XKR4: variants seen among roughly 807,000 people sequenced by gnomAD.
The protein encoded by XKR4 is XK-related protein 4.
A neutral mutation model predicts 53.9 loss-of-function variants in XKR4; 12 were observed. That is an observed-to-expected ratio of 0.22 (90% CI 0.14 to 0.36). XKR4 has a LOEUF of 0.36. Ranked by LOEUF, XKR4 falls within the 10% of genes least tolerant of loss-of-function variation. The pLI is 1.00. For missense variants in XKR4, 799 were observed against 859.5 expected (o/e 0.93, Z 0.88); for synonymous variants, 354 against 362.4 (o/e 0.98, Z 0.26).
In XKR4 at chr8:55,530,688, CTTTGA is replaced by C. The variant is rs1393356023; in HGVS notation, c.*6465_*6469del. On this transcript the variant is annotated 3_prime_UTR_variant, in exon 3 of 3. Transcript: ENST00000327381. The stretch of plus-strand genomic sequence containing the variant: ...TAAAATACAAGTAACTATCTTCCTA[CTTTGA>C]TTTAAGAGATCTTTATGAATTTATA... 1 of 152,134 alleles carries C rather than the reference CTTTGA, an allele frequency of 6.6e-6. No individual in the cohort carries two copies. The highest frequency in any genetic ancestry group is 1.5e-5 in the Non-Finnish European group (1 of 68,026). 9.4% of individuals were successfully genotyped at this position (152,134 alleles called of 1,614,324 possible). A position where few individuals can be genotyped will look rare whatever the true frequency, so the allele number is the denominator to read the frequency against.
chr8:55,514,069 T>C (rs528652918), intron 2 of XKR4, among the ~76,000 whole-genome samples: 3 of 152,256 alleles, frequency 2.0e-5, no homozygotes, highest in South Asian at 2.1e-4. Flanking sequence ...CCAAAATATA[T>C]ATCTGGGCCT....
At chr8:55,265,699 G>C (rs1408670576) in intron 1 of XKR4, among the ~76,000 whole-genome samples, 1 of 151,992 alleles carries the variant, frequency 6.6e-6, no homozygotes, top group Admixed American at 6.6e-5. Flanking sequence ...AAAATTCCTG[G>C]CTGGGCACGA....
intron 1 of XKR4, among the ~76,000 whole-genome samples, chr8:55,160,616 C>T (rs1563471535): frequency 6.6e-6 from 1 of 152,162 alleles, no homozygotes; most frequent in South Asian, 2.1e-4. Flanking sequence ...GATTCACATG[C>T]CTCACTCTGT....
chr8:55,256,607 C>T (rs1009288781), intron 1 of XKR4, among the ~76,000 whole-genome samples: 30 of 152,144 alleles, frequency 2.0e-4, no homozygotes, highest in Non-Finnish European at 2.1e-4. Context: ...GGTATTTTCT[C>T]CATTGAGAGA....
At chr8:55,450,583 C>T (rs1805422856) in intron 2 of XKR4, 12 of 725,492 alleles carry the variant, frequency 1.7e-5, no homozygotes, top group South Asian at 1.6e-4. Context: ...TGAGATAGAA[C>T]TGGCTGAACT....
At position 55,161,519 on chromosome 8, in the gene XKR4, G is replaced by T. The variant is rs1279833440; in HGVS notation, c.806+58225G>T. The T allele has an allele frequency of 8.8e-6, 4 of 455,940 alleles. No homozygotes were observed. The East Asian group carries it at 2.8e-4, about 32-fold the overall frequency. The allele number at this position is 455,940 out of a possible 1,614,324, so 28.2% of individuals were successfully genotyped here. A position where few individuals can be genotyped will look rare whatever the true frequency, so the allele number is the denominator to read the frequency against. ...CCACCATCTGAAAAAACAGAAAAGG[G>T]CAGGATGAGCAGCGCTCAAAACCTC... On this transcript the variant is annotated intron_variant, in intron 1 of 2. Transcript: ENST00000327381.
intron 2 of XKR4, among the ~76,000 whole-genome samples, chr8:55,397,052 G>A (rs1164847478): frequency 2.0e-5 from 3 of 152,320 alleles, no homozygotes; most frequent in South Asian, 4.1e-4. Context: ...TCAAAGATGA[G>A]TATTTCTCCA....
At position 55,507,355 on chromosome 8, in the gene XKR4, T is replaced by A. The variant is rs562052474; in HGVS notation, c.1007-15926T>A. 1.4e-4 allele frequency among the ~76,000 whole-genome samples: 17 copies of A among 122,482 alleles called. No homozygotes were observed. In the South Asian group the frequency reaches 3.8e-3, roughly 27 times the overall value. The allele number at this position is 122,482 out of a possible 152,430, so 80.4% of individuals were successfully genotyped here. A position where few individuals can be genotyped will look rare whatever the true frequency, so the allele number is the denominator to read the frequency against. ...CTTTTTTTTTATTATTACTGTTGGA[T>A]TTTTTTTTATTATACTTTAAGTTTT... On this transcript the variant is annotated intron_variant, in intron 2 of 2. Transcript: ENST00000327381.
At chr8:55,210,891 A>G (rs903807785) in intron 1 of XKR4, among the ~76,000 whole-genome samples, 3 of 152,200 alleles carry the variant, frequency 2.0e-5, no homozygotes, top group African/African-American at 7.2e-5. Flanking sequence ...CTCCTAGTGC[A>G]CACATAGGTT....
In XKR4 at chr8:55,413,583, C is replaced by T. The variant is rs79375089; in HGVS notation, c.1006+55706C>T. ...TTCTTTCTATTATTACTTCCTTTTT[C>T]GTGGCAGCAAAAGAGCATCCTTTAA... On this transcript the variant is annotated intron_variant, in intron 2 of 2. Coordinates refer to ENST00000327381, the MANE Select transcript of XKR4 (RefSeq NM_052898.2). 3.4e-3 allele frequency among the ~76,000 whole-genome samples: 511 copies of T among 152,274 alleles called. 1 individual carries two copies. Among genetic ancestry groups the T allele is most frequent in the African/African-American group, 0.012 (481 of 41,566 alleles).
chr8:55,483,419 TGAAACATTAAATTTGGCTA>T (rs1377402357), intron 2 of XKR4, among the ~76,000 whole-genome samples: 1 of 152,154 alleles, frequency 6.6e-6, no homozygotes, highest in Non-Finnish European at 1.5e-5. Context: ...GAGAGTGGTA[TGAAACATTAAATTTGGCTA>T]GAAATAAGGT....
intron 1 of XKR4, among the ~76,000 whole-genome samples, chr8:55,108,816 C>G (rs1816190349): frequency 6.6e-6 from 1 of 152,042 alleles, no homozygotes; most frequent in Non-Finnish European, 1.5e-5. Flanking sequence ...TTGGAGGTAG[C>G]ACTTCTATTT....
Position 55,296,094 on chromosome 8 carries a change from G to A in XKR4, c.807-61584G>A, listed in dbSNP as rs141463614. ...GGCTGGGCTGTCCTCAGGGGTCCAGGTTCCTTACATTTTGTTGCTCTAACA... is the reference window on the plus strand; with the variant it reads ...GGCTGGGCTGTCCTCAGGGGTCCAGATTCCTTACATTTTGTTGCTCTAACA... On this transcript the variant is annotated intron_variant, in intron 1 of 2. Coordinates refer to ENST00000327381, the MANE Select transcript of XKR4 (RefSeq NM_052898.2). Among the ~76,000 whole-genome samples, 88 of 152,230 alleles carry A rather than the reference G, an allele frequency of 5.8e-4. 1 individual carries two copies. The East Asian group carries it at 0.016, about 28-fold the overall frequency.
intron 1 of XKR4, among the ~76,000 whole-genome samples, chr8:55,159,899 G>T (rs1816961633): frequency 6.6e-6 from 1 of 152,192 alleles, no homozygotes; most frequent in African/African-American, 2.4e-5. Context: ...GATGTGGTAG[G>T]AAAGTTGACA....
intron 1 of XKR4, among the ~76,000 whole-genome samples, chr8:55,264,966 A>G (rs536603767): frequency 2.0e-5 from 3 of 152,350 alleles, no homozygotes; most frequent in African/African-American, 7.2e-5. Context: ...TAGATGCCAG[A>G]TAGTTCTGTC....
At chr8:55,411,403 A>T (rs955289591) in intron 2 of XKR4, among the ~76,000 whole-genome samples, 6 of 152,348 alleles carry the variant, frequency 3.9e-5, no homozygotes, top group South Asian at 2.1e-4. Flanking sequence ...TTTGATTTTT[A>T]AAAAATTATC....
chr8:55,485,642 G>A lies in XKR4; in HGVS notation c.1007-37639G>A, dbSNP rs550376265. 2.1e-3 allele frequency among the ~76,000 whole-genome samples: 314 copies of A among 152,230 alleles called. 1 individual carries two copies. The highest frequency in any genetic ancestry group is 6.9e-3 in the African/African-American group (288 of 41,528). On this transcript the variant is annotated intron_variant, in intron 2 of 2. Coordinates refer to ENST00000327381, the MANE Select transcript of XKR4 (RefSeq NM_052898.2). ...CCCCCTCAGCCTCCAAAAGTGATCC[G>A]TCTGCCTTGGCCTCCGAAAGTGCTG...
intron 1 of XKR4, among the ~76,000 whole-genome samples, chr8:55,267,000 T>C (rs998006838): frequency 1.3e-5 from 2 of 152,054 alleles, no homozygotes; most frequent in Admixed American, 1.3e-4. Context: ...AATGACAAGA[T>C]CAAAGATCAG....
At chr8:55,164,495 A>C in intron 1 of XKR4, 1 of 454,968 alleles carries the variant, frequency 2.2e-6, no homozygotes, top group Non-Finnish European at 4.4e-6. Context: ...CTGCAAGCTC[A>C]ATGTCCTGAG....
Sources: gnomAD v4.1 joint callset for allele counts (sites outside exome capture counted in the v4.1 genomes callset) on GRCh38, gnomAD v4.1.1 for gene constraint, MANE v1.5 for transcripts, NCBI Gene and HGNC (gene_info 2026-07-23, HGNC 2026-07-21) for gene names.